Variants in SOX5 observed in about 807,000 individuals in gnomAD.
SOX5 encodes the protein transcription factor SOX-5.
SOX5 carries 9 observed loss-of-function variants against 92.0 expected under a neutral mutation model. That is an observed-to-expected ratio of 0.10 (90% CI 0.06 to 0.17). SOX5 has a LOEUF of 0.17. SOX5 is among the 10% of genes least tolerant of loss of function. The probability of loss-of-function intolerance (pLI) is 1.00; values close to 1 mark genes in which losing one functional copy is unlikely to be tolerated. For synonymous variants in SOX5, 344 were observed against 336.3 expected (o/e 1.02, Z -0.25); for missense variants, 642 against 944.5 (o/e 0.68, Z 4.20).
intron 3 of SOX5, among the ~76,000 whole-genome samples, chr12:23,833,529 T>G (rs900450212): frequency 1.3e-5 from 2 of 152,016 alleles, no homozygotes; most frequent in Admixed American, 6.6e-5. Flanking sequence ...CACTAATCCA[T>G]AGGTAACGTT....
intron 4 of SOX5, among the ~76,000 whole-genome samples, chr12:23,957,599 T>G (rs191108690): frequency 1.3e-3 from 200 of 152,328 alleles, no homozygotes; most frequent in African/African-American, 4.4e-3. Context: ...ACAGGCAAAC[T>G]GTGTTCAAGA....
At position 24,455,922 on chromosome 12, in the gene SOX5, C is replaced by T. The variant is rs1942967721; in HGVS notation, c.-250-87283G>A. On this transcript the variant is annotated intron_variant, in intron 1 of 4. Transcript: ENST00000446891. ...CCAGTATCCTTACCTCAGCTACGAA[C>T]AGCTCTGCGAGGCCATGCAGTCCAA... Among the ~76,000 whole-genome samples, 4 of 152,146 alleles carry T rather than the reference C, an allele frequency of 2.6e-5. No individual in the cohort carries two copies. The South Asian group carries it at 8.3e-4, about 32-fold the overall frequency.
intron 4 of SOX5, among the ~76,000 whole-genome samples, chr12:24,066,957 T>A (rs1270369148): frequency 6.6e-6 from 1 of 151,970 alleles, no homozygotes; most frequent in Non-Finnish European, 1.5e-5. Context: ...AGGAAAAGAG[T>A]CACTTTCTGA....
intron 6 of SOX5, among the ~76,000 whole-genome samples, chr12:23,709,278 T>A (rs1453720298): frequency 6.6e-6 from 1 of 152,000 alleles, no homozygotes; most frequent in African/African-American, 2.4e-5. Flanking sequence ...ATATTTTTAA[T>A]TTTTTTGTGG....
intron 4 of SOX5, among the ~76,000 whole-genome samples, chr12:24,041,223 C>T (rs193145250): frequency 6.6e-6 from 1 of 152,208 alleles, no homozygotes; most frequent in Admixed American, 6.5e-5. Context: ...CTTTTGAGTC[C>T]TGAGTTTTGC....
At chr12:23,545,370 G>C (rs906129138) in intron 12 of SOX5, among the ~76,000 whole-genome samples, 1 of 152,096 alleles carries the variant, frequency 6.6e-6, no homozygotes, top group Non-Finnish European at 1.5e-5. Flanking sequence ...TCCCGGTCAG[G>C]GTATTGTATA....
At chr12:23,621,290 G>A (rs1256113016) in intron 8 of SOX5, among the ~76,000 whole-genome samples, 2 of 151,926 alleles carry the variant, frequency 1.3e-5, no homozygotes, top group Admixed American at 6.6e-5. Flanking sequence ...CAGGGGATGG[G>A]GGAAGAGGAA....
chr12:23,543,797 T>A (rs1942596573), intron 12 of SOX5, among the ~76,000 whole-genome samples: 1 of 152,308 alleles, frequency 6.6e-6, no homozygotes, highest in South Asian at 2.1e-4. Context: ...TAGGGGAGGA[T>A]ATATCTTTGC....
chr12:24,452,295 A>T (rs1461216887), intron 1 of SOX5, among the ~76,000 whole-genome samples: 1 of 152,220 alleles, frequency 6.6e-6, no homozygotes, highest in Non-Finnish European at 1.5e-5. Flanking sequence ...AATGATTTAC[A>T]TATTTAAAAT....
At chr12:24,003,391 G>C (rs1416839931) in intron 4 of SOX5, among the ~76,000 whole-genome samples, 1 of 151,792 alleles carries the variant, frequency 6.6e-6, no homozygotes, top group African/African-American at 2.4e-5. Flanking sequence ...CGGGGTGTTT[G>C]ATCCTATATG....
chr12:24,371,452 C>T (rs1052372002), intron 1 of SOX5, among the ~76,000 whole-genome samples: 1 of 152,204 alleles, frequency 6.6e-6, no homozygotes, highest in Admixed American at 6.5e-5. Flanking sequence ...ACCTTCAGAC[C>T]TGTGAGCCAA....
At chr12:23,944,190 G>C (rs1274571218) in intron 1 of SOX5, 1 of 151,980 alleles carries the variant, frequency 6.6e-6, no homozygotes, top group Non-Finnish European at 1.5e-5. Flanking sequence ...TCTAAATCTT[G>C]TTTCGGTCTG....
intron 3 of SOX5, among the ~76,000 whole-genome samples, chr12:23,834,994 T>C (rs537206283): frequency 6.6e-6 from 1 of 152,014 alleles, no homozygotes; most frequent in Admixed American, 6.6e-5. Context: ...CTTGACATGG[T>C]AAAAATTATT....
intron 7 of SOX5, among the ~76,000 whole-genome samples, chr12:23,649,501 A>T (rs1262953321): frequency 6.6e-6 from 1 of 151,870 alleles, no homozygotes; most frequent in Non-Finnish European, 1.5e-5. Context: ...AATTTCTTCT[A>T]CTCTTCCCTA....
At chr12:23,726,768 A>G (rs1053272912) in intron 6 of SOX5, among the ~76,000 whole-genome samples, 1 of 152,150 alleles carries the variant, frequency 6.6e-6, no homozygotes, top group African/African-American at 2.4e-5. Context: ...TTCTGGGCCA[A>G]TCTCAGTGAT....
At chr12:23,802,671 T>C (rs370624393) in intron 3 of SOX5, among the ~76,000 whole-genome samples, 11 of 152,316 alleles carry the variant, frequency 7.2e-5, no homozygotes, top group African/African-American at 2.2e-4. Flanking sequence ...TGATAGATGA[T>C]ATCAGCTATA....
At chr12:23,869,114 A>G (rs945779645) in intron 2 of SOX5, among the ~76,000 whole-genome samples, 2 of 152,188 alleles carry the variant, frequency 1.3e-5, no homozygotes, top group African/African-American at 4.8e-5. Context: ...GTTAAAGATT[A>G]CATGACATGA....
At chr12:24,490,853 A>C (rs1170639730) in intron 1 of SOX5, among the ~76,000 whole-genome samples, 4 of 152,136 alleles carry the variant, frequency 2.6e-5, no homozygotes, top group Non-Finnish European at 5.9e-5. Flanking sequence ...GCCTCTTTTA[A>C]ACTTAAACAT....
chr12:23,859,916 C>T (rs1292669684), intron 2 of SOX5, among the ~76,000 whole-genome samples: 1 of 152,086 alleles, frequency 6.6e-6, no homozygotes, highest in Non-Finnish European at 1.5e-5. Context: ...CCATAAATGA[C>T]TGGATAAAGA....
Sources: allele counts gnomAD v4.1 joint callset (sites outside exome capture counted in the v4.1 genomes callset), GRCh38; gene constraint gnomAD v4.1.1; transcripts MANE v1.5; gene names NCBI Gene and HGNC (gene_info 2026-07-23, HGNC 2026-07-21).